The following PMFBP1 variants were observed in gnomAD, a reference collection of about 807,000 sequenced individuals.
The protein encoded by PMFBP1 is polyamine-modulated factor 1-binding protein 1.
In PMFBP1, 131 loss-of-function variants were observed where a neutral mutation model predicts 137.8. The observed-to-expected ratio is 0.95, with a 90% CI of 0.82 to 1.10. PMFBP1 has a LOEUF of 1.10. PMFBP1 is among the 50% of genes least tolerant of loss of function. The pLI, the probability that PMFBP1 is intolerant of heterozygous loss-of-function variation, is 0.00. For missense variants in PMFBP1, 1,199 were observed against 1,175.4 expected (o/e 1.02, Z -0.29); for synonymous variants, 490 against 450.4 (o/e 1.09, Z -1.11).
Position 72,130,720 on chromosome 16 carries a change from G to T in PMFBP1, c.1450C>A (p.Gln484Lys). 6.2e-7 allele frequency: 1 copy of T among 1,609,370 alleles called. No individual in the cohort carries two copies. ...EAKQQERLAAQQAAQCKEEAA... is the reference protein window; with the variant it reads ...EAKQQERLAAKQAAQCKEEAA... The stretch of plus-strand genomic sequence containing the variant: ...TCTTCTTTGCACTGGGCTGCTTGCT[G>T]AGCTGCAGAAGCAGGGAGATGGCCA... The change falls in exon 11 of 21, where the codon CAG becomes AAG. Residue 484 changes from glutamine to lysine, a missense_variant and splice_region_variant. Coordinates refer to ENST00000237353, the MANE Select transcript of PMFBP1 (RefSeq NM_031293.3).
chr16:72,128,860 C>T, intron 13 of PMFBP1, 66 bp from the exon 14 acceptor site: 1 of 1,596,492 alleles, frequency 6.3e-7, no homozygotes, highest in Non-Finnish European at 8.5e-7. Context: ...ATAAAAGCCC[C>T]ACTCCACCCT....
chr16:72,188,312 TA>T, the PMFBP1 span, among the ~76,000 whole-genome samples: 1 of 152,192 alleles, frequency 6.6e-6, no homozygotes, highest in Non-Finnish European at 1.5e-5. Flanking sequence ...GATGTTTTCC[TA>T]GGAAGGGGAT....
chr16:72,166,499 AC>A (rs770453469), intron 2 of PMFBP1, among the ~76,000 whole-genome samples: 2 of 152,114 alleles, frequency 1.3e-5, no homozygotes, highest in Non-Finnish European at 2.9e-5. Context: ...CTAATACAGT[AC>A]CTATCTCTTA....
chr16:72,180,126 T>A (rs2043271199), upstream of PMFBP1, among the ~76,000 whole-genome samples: 1 of 152,146 alleles, frequency 6.6e-6, no homozygotes, highest in Non-Finnish European at 1.5e-5. Context: ...CATGGTCTTC[T>A]TTGAGGGCTG....
chr16:72,223,584 T>G, the PMFBP1 span, among the ~76,000 whole-genome samples: 1 of 152,104 alleles, frequency 6.6e-6, no homozygotes, highest in Admixed American at 6.5e-5. Context: ...AAGGCAAAGT[T>G]TGAAATATAT....
At chr16:72,158,337 C>A (rs963856584) in intron 3 of PMFBP1, among the ~76,000 whole-genome samples, 1 of 152,172 alleles carries the variant, frequency 6.6e-6, no homozygotes, top group African/African-American at 2.4e-5. Flanking sequence ...TTTGTATTTA[C>A]TCTGTGTAGC....
At chr16:72,204,723 G>A in the PMFBP1 span, among the ~76,000 whole-genome samples, 47 of 152,030 alleles carry the variant, frequency 3.1e-4, no homozygotes, top group Admixed American at 7.9e-4. Context: ...TTTCCTCCAC[G>A]TGGATTTTGG....
At chr16:72,179,265 C>G (rs1024503537), upstream of PMFBP1, among the ~76,000 whole-genome samples, 1 of 152,214 alleles carries the variant, frequency 6.6e-6, no homozygotes, top group Non-Finnish European at 1.5e-5. Flanking sequence ...AGCAATCAAA[C>G]TGCATAACCT....
At chr16:72,213,204 G>T in the PMFBP1 span, among the ~76,000 whole-genome samples, 10 of 150,924 alleles carry the variant, frequency 6.6e-5, no homozygotes, top group South Asian at 1.0e-3. Flanking sequence ...GCCCGGGGGG[G>T]GGTGGGGAAA....
Position 72,154,204 on chromosome 16 carries a change from T to G in PMFBP1, c.414+7A>C. Reference sequence around the variant, plus strand: ...GTGGGTTATTTCCATGGTTAATCTGTCTATACCTCATCTTCTTTCAGTTTG... The same window carrying G: ...GTGGGTTATTTCCATGGTTAATCTGGCTATACCTCATCTTCTTTCAGTTTG... On this transcript the variant is annotated splice_region_variant and intron_variant, in intron 4 of 20. Transcript: ENST00000237353. 3 of 1,613,874 alleles carry G rather than the reference T, an allele frequency of 1.9e-6. No individual in the cohort carries two copies. In the South Asian group the frequency reaches 3.3e-5, roughly 18 times the overall value.
the PMFBP1 span, among the ~76,000 whole-genome samples, chr16:72,205,210 T>C: frequency 6.6e-6 from 1 of 152,214 alleles, no homozygotes; most frequent in Non-Finnish European, 1.5e-5. Flanking sequence ...TCTCAAATAC[T>C]CTTTTCCCTA....
the PMFBP1 span, among the ~76,000 whole-genome samples, chr16:72,184,232 T>C: frequency 6.6e-6 from 1 of 152,178 alleles, no homozygotes; most frequent in Non-Finnish European, 1.5e-5. Context: ...TGTTCTCTCT[T>C]GTCAGATTTC....
intron 16 of PMFBP1, 81 bp from the exon 17 acceptor site, chr16:72,125,015 C>T (rs1240463556): frequency 2.9e-5 from 45 of 1,537,774 alleles, no homozygotes; most frequent in Admixed American, 5.5e-5. Flanking sequence ...AGGGTGCTTC[C>T]TGGGCCTTGG....
intron 18 of PMFBP1, 61 bp downstream of exon 18, chr16:72,123,485 T>C: frequency 6.8e-7 from 1 of 1,461,378 alleles, no homozygotes; most frequent in Non-Finnish European, 9.5e-7. Flanking sequence ...TTGGCACGCA[T>C]GTGGCTCCTC....
intron 10 of PMFBP1, among the ~76,000 whole-genome samples, chr16:72,131,878 C>T (rs2042554337): frequency 6.6e-6 from 1 of 152,156 alleles, no homozygotes; most frequent in Non-Finnish European, 1.5e-5. Context: ...CAGAGTCTCA[C>T]TCTATTGCCC....
At chr16:72,203,479 C>G in the PMFBP1 span, among the ~76,000 whole-genome samples, 1 of 152,196 alleles carries the variant, frequency 6.6e-6, no homozygotes, top group Non-Finnish European at 1.5e-5. Context: ...CCCTGGGTCT[C>G]TGGATGTGAT....
At chr16:72,224,055 T>C in the PMFBP1 span, among the ~76,000 whole-genome samples, 1 of 152,178 alleles carries the variant, frequency 6.6e-6, no homozygotes, top group African/African-American at 2.4e-5. Context: ...AGAGAGGTAC[T>C]GCACTGAGTT....
chr16:72,182,907 A>G, the PMFBP1 span, among the ~76,000 whole-genome samples: 3 of 151,574 alleles, frequency 2.0e-5, no homozygotes. Flanking sequence ...CAGCTCTCTT[A>G]CCCTCTGCTC....
At chr16:72,129,007 GT>G in intron 13 of PMFBP1, 58 bp downstream of exon 13, 1 of 1,575,576 alleles carries the variant, frequency 6.3e-7, no homozygotes, top group Non-Finnish European at 8.6e-7. Context: ...GGAGGCCCAG[GT>G]GGGGTCATGT....
Sources: gnomAD v4.1 joint callset for allele counts (sites outside exome capture counted in the v4.1 genomes callset) on GRCh38, gnomAD v4.1.1 for gene constraint, MANE v1.5 for transcripts, NCBI Gene and HGNC (gene_info 2026-07-23, HGNC 2026-07-21) for gene names.